The following RIMS1 variants were observed in gnomAD, a reference collection of about 807,000 sequenced individuals.
RIMS1 encodes regulating synaptic membrane exocytosis protein 1.
A neutral mutation model predicts 214.1 loss-of-function variants in RIMS1; 83 were observed. The observed-to-expected ratio is 0.39, with a 90% CI of 0.32 to 0.47. The LOEUF is 0.47. Among genes scored for constraint, RIMS1 ranks in the 20% least tolerant of loss-of-function variants. The pLI is 0.99. For synonymous variants in RIMS1, 793 were observed against 786.8 expected (o/e 1.01, Z -0.13); for missense variants, 2,050 against 2,161.8 (o/e 0.95, Z 1.03).
chr6:71,973,430 G>A (rs1209191878), intron 2 of RIMS1, among the ~76,000 whole-genome samples: 2 of 152,108 alleles, frequency 1.3e-5, no homozygotes, highest in Non-Finnish European at 2.9e-5. Flanking sequence ...GTGTCAATGG[G>A]GCTCCGGGTG....
chr6:72,100,015 T>A, intron 4 of RIMS1, 29 bp downstream of exon 4: 1 of 1,568,342 alleles, frequency 6.4e-7, no homozygotes, highest in African/African-American at 1.3e-5. Flanking sequence ...TTTTCTATCA[T>A]TTGTTATTGT....
chr6:72,123,102 G>A (rs1157644003), intron 4 of RIMS1, among the ~76,000 whole-genome samples: 1 of 151,044 alleles, frequency 6.6e-6, no homozygotes, highest in Non-Finnish European at 1.5e-5. Context: ...TTCTCTTGTG[G>A]GCATTTAGTG....
intron 23 of RIMS1, 71 bp downstream of exon 23, chr6:72,274,503 A>G: frequency 8.3e-7 from 1 of 1,201,216 alleles, no homozygotes; most frequent in South Asian, 1.2e-5. Context: ...AAGGATAACC[A>G]AGAGAAAAGT....
intron 11 of RIMS1, 83 bp downstream of exon 11, chr6:72,245,944 A>G: frequency 3.0e-6 from 3 of 988,420 alleles, no homozygotes; most frequent in Non-Finnish European, 4.7e-6. Context: ...GTTATTTGAT[A>G]TAATGAATTG....
intron 7 of RIMS1, 88 bp from the exon 8 acceptor site, chr6:72,235,530 C>A: frequency 2.5e-6 from 2 of 810,306 alleles, no homozygotes; most frequent in Admixed American, 2.1e-5. Context: ...ATCCATGTTA[C>A]CTCTAATGAC....
intron 2 of RIMS1, among the ~76,000 whole-genome samples, chr6:72,052,455 A>G (rs1039401659): frequency 6.6e-6 from 1 of 152,194 alleles, no homozygotes; most frequent in Non-Finnish European, 1.5e-5. Context: ...TTATCTCTGC[A>G]GGTGTACTTC....
rs2076654460 is a variant in RIMS1 at position 72,258,205 on chromosome 6, T to C, written c.2851T>C (p.Ser951Pro). Reference sequence around the variant, plus strand: ...ACAGCAAAGAACAACTCATCACCGCTCACGTTCAGTATCTCCTCATCGCGG... The same window carrying C: ...ACAGCAAAGAACAACTCATCACCGCCCACGTTCAGTATCTCCTCATCGCGG... ...PEQQRTTHHR[S>P]RSVSPHRGND... The change falls in exon 17 of 34, where the codon TCA (serine) becomes CCA (proline). Residue 951 changes from serine (S) to proline (P), a missense_variant. Transcript: ENST00000521978. 1 of 1,613,344 alleles carries C rather than the reference T, an allele frequency of 6.2e-7. No homozygotes were observed. The highest frequency in any genetic ancestry group is 8.5e-7 in the Non-Finnish European group (1 of 1,179,616).
intron 1 of RIMS1, among the ~76,000 whole-genome samples, chr6:71,967,037 T>C (rs1794642692): frequency 6.6e-6 from 1 of 152,246 alleles, no homozygotes; most frequent in Non-Finnish European, 1.5e-5. Context: ...TTTAATTCTT[T>C]AGAATTTTTC....
intron 6 of RIMS1, among the ~76,000 whole-genome samples, chr6:72,214,680 A>AT (rs766838613): frequency 3.9e-5 from 6 of 152,086 alleles, no homozygotes; most frequent in Non-Finnish European, 7.4e-5. Flanking sequence ...AAAATGTTTT[A>AT]TTTCAGTTGA....
At chr6:72,043,841 A>G (rs764423357) in intron 2 of RIMS1, among the ~76,000 whole-genome samples, 1 of 151,720 alleles carries the variant, frequency 6.6e-6, no homozygotes, top group Non-Finnish European at 1.5e-5. Context: ...TGTAATTTAT[A>G]TATACATTAA....
chr6:72,375,994 T>C (rs1041008219), intron 29 of RIMS1, among the ~76,000 whole-genome samples: 14 of 152,206 alleles, frequency 9.2e-5, no homozygotes, highest in Non-Finnish European at 1.8e-4. Context: ...AGAGATGGTT[T>C]CTGGTACATC....
intron 29 of RIMS1, among the ~76,000 whole-genome samples, chr6:72,340,709 G>A (rs12199420): frequency 0.46 from 69,296 of 151,446 alleles, 16,273 homozygotes; most frequent in Non-Finnish European, 0.5. Context: ...TTTGAAGTCA[G>A]GTAGCATGAT....
rs920110957 is a variant in RIMS1, at chr6:72,400,987, G to A, written c.*273G>A. 1.0e-5 allele frequency: 4 copies of A among 401,928 alleles called. No individual in the cohort carries two copies. The highest frequency in any genetic ancestry group is 1.8e-5 in the Non-Finnish European group (4 of 217,334). 24.9% of individuals were successfully genotyped at this position (401,928 alleles called of 1,614,324 possible). ...GAAAAAGAGGAAACTTTAAATCCAC[G>A]CATACACGTACACACACACATGCAC... On this transcript the variant is annotated 3_prime_UTR_variant, in exon 34 of 34. Transcript: ENST00000521978.
chr6:72,216,387 G>A (rs539023492), intron 6 of RIMS1: 1 of 939,296 alleles, frequency 1.1e-6, no homozygotes, highest in South Asian at 4.9e-5. Flanking sequence ...CCTGTTTGAG[G>A]TTGTCCTTTT....
At chr6:72,204,846 G>A (rs923953523) in intron 6 of RIMS1, among the ~76,000 whole-genome samples, 1 of 151,974 alleles carries the variant, frequency 6.6e-6, no homozygotes, top group African/African-American at 2.4e-5. Context: ...AATTTCATAG[G>A]GAGAAAAGAT....
chr6:72,142,840 G>A (rs1332402322), intron 4 of RIMS1, among the ~76,000 whole-genome samples: 2 of 152,016 alleles, frequency 1.3e-5, no homozygotes, highest in African/African-American at 2.4e-5. Context: ...TGCAACCAAC[G>A]ATAATACATA....
At chr6:72,286,773 G>A (rs1221620759) in intron 24 of RIMS1, among the ~76,000 whole-genome samples, 1 of 152,176 alleles carries the variant, frequency 6.6e-6, no homozygotes, top group Non-Finnish European at 1.5e-5. Flanking sequence ...GCCTTTGAGA[G>A]TTGATAACTT....
intron 1 of RIMS1, among the ~76,000 whole-genome samples, chr6:71,936,039 A>G (rs1304380558): frequency 2.0e-5 from 3 of 152,194 alleles, no homozygotes; most frequent in Non-Finnish European, 4.4e-5. Flanking sequence ...GATAGAACAC[A>G]GTTTTAAGCT....
chr6:71,990,387 A>G (rs924896040), intron 2 of RIMS1, among the ~76,000 whole-genome samples: 14 of 152,218 alleles, frequency 9.2e-5, no homozygotes, highest in African/African-American at 3.4e-4. Flanking sequence ...ATTTTATTTA[A>G]GATAAAGTCA....
Sources: allele counts gnomAD v4.1 joint callset (sites outside exome capture counted in the v4.1 genomes callset), GRCh38; gene constraint gnomAD v4.1.1; transcripts MANE v1.5; gene names NCBI Gene and HGNC (gene_info 2026-07-23, HGNC 2026-07-21).